The following SOX6 variants were observed in gnomAD, a reference collection of about 807,000 sequenced individuals.
SOX6 encodes the protein SRY-box transcription factor 6, also known as transcription factor SOX-6.
Under a neutral mutation model 97.8 loss-of-function variants are expected in SOX6, and 11 were observed. The observed-to-expected ratio is 0.11, with a 90% confidence interval of 0.07 to 0.19. The LOEUF is 0.19. SOX6 is among the 10% of genes least tolerant of loss of function. The pLI is 1.00. For synonymous variants in SOX6, 360 were observed against 371.4 expected, an observed-to-expected ratio of 0.97 and a Z score of 0.35; for missense variants, 810 against 1,039.5, an observed-to-expected ratio of 0.78 and a Z score of 3.04.
At chr11:15,981,536 T>C (rs1449762373) in intron 15 of SOX6, among the ~76,000 whole-genome samples, 1 of 152,094 alleles carries the variant, frequency 6.6e-6, no homozygotes. Flanking sequence ...GATAAGCCTA[T>C]ACGTCACATA....
intron 6 of SOX6, among the ~76,000 whole-genome samples, chr11:16,182,562 T>G (rs759029495): frequency 6.6e-6 from 1 of 151,924 alleles, no homozygotes. Flanking sequence ...GGATGAGAAA[T>G]TATTCCAAGA....
chr11:16,573,482 G>T (rs1236213025), intron 4 of SOX6, among the ~76,000 whole-genome samples: 1 of 152,088 alleles, frequency 6.6e-6, no homozygotes, highest in Non-Finnish European at 1.5e-5. Context: ...CATTATTTCA[G>T]AAGTCACATC....
intron 4 of SOX6, among the ~76,000 whole-genome samples, chr11:16,194,364 T>C (rs941852496): frequency 1.3e-5 from 2 of 152,212 alleles, no homozygotes; most frequent in African/African-American, 2.4e-5. Flanking sequence ...ATTTCTTTGT[T>C]TTCTCATCAG....
At chr11:16,182,285 T>C (rs1460520990) in intron 6 of SOX6, among the ~76,000 whole-genome samples, 2 of 151,758 alleles carry the variant, frequency 1.3e-5, no homozygotes, top group East Asian at 1.9e-4. Flanking sequence ...GTAAAAACAA[T>C]AATTAACTGA....
At chr11:16,122,901 T>G (rs886565049) in intron 6 of SOX6, among the ~76,000 whole-genome samples, 2 of 152,108 alleles carry the variant, frequency 1.3e-5, no homozygotes, top group Admixed American at 6.6e-5. Context: ...TCATTTACAG[T>G]TCTTCAATGG....
At chr11:16,145,837 C>T (rs1455427040) in intron 6 of SOX6, among the ~76,000 whole-genome samples, 7 of 152,056 alleles carry the variant, frequency 4.6e-5, no homozygotes, top group South Asian at 4.2e-4. Flanking sequence ...AATTACTGCT[C>T]AACAAAATAA....
intron 3 of SOX6, among the ~76,000 whole-genome samples, chr11:16,254,925 T>C (rs1400037861): frequency 2.0e-5 from 3 of 151,664 alleles, no homozygotes; most frequent in African/African-American, 7.3e-5. Flanking sequence ...AAATAAGAGA[T>C]GGAGAAAGAT....
chr11:16,617,303 G>A (rs1479544992), intron 3 of SOX6, among the ~76,000 whole-genome samples: 1 of 151,802 alleles, frequency 6.6e-6, no homozygotes, highest in Non-Finnish European at 1.5e-5. Context: ...AATAACAAAT[G>A]AAAAGCTTCA....
intron 9 of SOX6, among the ~76,000 whole-genome samples, chr11:16,091,989 TTG>T (rs956639034): frequency 6.6e-6 from 1 of 152,044 alleles, no homozygotes; most frequent in Admixed American, 6.6e-5. Context: ...AATATTAAGT[TTG>T]TTTTTTTCTG....
intron 3 of SOX6, among the ~76,000 whole-genome samples, chr11:16,674,728 A>G (rs1323677500): frequency 6.6e-6 from 1 of 152,174 alleles, no homozygotes; most frequent in Non-Finnish European, 1.5e-5. Flanking sequence ...AGGCAGGCAG[A>G]TCACCTGAGG....
intron 1 of SOX6, among the ~76,000 whole-genome samples, chr11:16,383,123 G>A (rs1469812459): frequency 1.3e-5 from 2 of 151,846 alleles, no homozygotes; most frequent in African/African-American, 4.8e-5. Flanking sequence ...AGAGACTTCT[G>A]TAACAATAAT....
intron 2 of SOX6, among the ~76,000 whole-genome samples, chr11:16,335,487 A>G (rs1856430056): frequency 6.6e-6 from 1 of 152,188 alleles, no homozygotes; most frequent in African/African-American, 2.4e-5. Flanking sequence ...AGTGGGTTTC[A>G]CTACACTTTC....
chr11:16,133,647 T>C (rs1240621496), intron 6 of SOX6, among the ~76,000 whole-genome samples: 2 of 151,880 alleles, frequency 1.3e-5, no homozygotes, highest in Non-Finnish European at 1.5e-5. Flanking sequence ...TACAACATTA[T>C]CATATTATTA....
At chr11:16,335,652 T>C (rs1378131143) in intron 2 of SOX6, among the ~76,000 whole-genome samples, 2 of 152,180 alleles carry the variant, frequency 1.3e-5, no homozygotes, top group Non-Finnish European at 2.9e-5. Flanking sequence ...AAGTCTGTCA[T>C]AACAGCATGA....
At chr11:16,202,651 AC>A (rs1458342544) in intron 4 of SOX6, among the ~76,000 whole-genome samples, 1 of 152,058 alleles carries the variant, frequency 6.6e-6, no homozygotes, top group Non-Finnish European at 1.5e-5. Context: ...ACAAAAGACA[AC>A]CACCTATCTC....
At chr11:16,619,764 A>G (rs1848517449) in intron 3 of SOX6, among the ~76,000 whole-genome samples, 1 of 152,108 alleles carries the variant, frequency 6.6e-6, no homozygotes, top group Non-Finnish European at 1.5e-5. Context: ...TCAAAACTAA[A>G]ATTTCATTTA....
intron 6 of SOX6, among the ~76,000 whole-genome samples, chr11:16,164,008 G>T (rs938235115): frequency 6.6e-6 from 1 of 152,090 alleles, no homozygotes; most frequent in Non-Finnish European, 1.5e-5. Flanking sequence ...TGTTTTTGAG[G>T]CAAGGTCTCG....
intron 3 of SOX6, among the ~76,000 whole-genome samples, chr11:16,619,098 T>C (rs1479903733): frequency 6.6e-6 from 1 of 151,970 alleles, no homozygotes; most frequent in African/African-American, 2.4e-5. Context: ...TACATCACCA[T>C]TGTGAGAAAA....
intron 6 of SOX6, among the ~76,000 whole-genome samples, chr11:16,126,444 A>G (rs1849616052): frequency 6.6e-6 from 1 of 152,090 alleles, no homozygotes. Context: ...AGCCAATAAC[A>G]ATAGGTCTTT....
Sources: gnomAD v4.1 joint callset for allele counts (sites outside exome capture counted in the v4.1 genomes callset) on GRCh38, gnomAD v4.1.1 for gene constraint, MANE v1.5 for transcripts, NCBI Gene and HGNC (gene_info 2026-07-23, HGNC 2026-07-21) for gene names.